The following ZDHHC7 variants were observed in gnomAD, a reference collection of about 807,000 sequenced individuals.
ZDHHC7 encodes palmitoyltransferase ZDHHC7.
A neutral mutation model predicts 34.1 loss-of-function variants in ZDHHC7; 12 were observed. That is an observed-to-expected ratio of 0.35 (90% CI 0.23 to 0.57). ZDHHC7 has a LOEUF of 0.57. Among genes scored for constraint, ZDHHC7 ranks in the 20% least tolerant of loss-of-function variants. The pLI is 0.84. For missense variants in ZDHHC7, 388 were observed against 402.7 expected, an observed-to-expected ratio of 0.96 and a Z score of 0.31; for synonymous variants, 185 against 155.4, an observed-to-expected ratio of 1.19 and a Z score of -1.42.
chr16:85,009,293 C>T (rs1054857825), intron 1 of ZDHHC7, among the ~76,000 whole-genome samples: 1 of 151,990 alleles, frequency 6.6e-6, no homozygotes, highest in Non-Finnish European at 1.5e-5. Flanking sequence ...TGTAAAAGTA[C>T]GTTCATACTT....
chr16:85,000,777 A>G (rs2072642469), intron 1 of ZDHHC7, among the ~76,000 whole-genome samples: 1 of 152,204 alleles, frequency 6.6e-6, no homozygotes, highest in Admixed American at 6.5e-5. Context: ...GCAAGGCCTC[A>G]AGGATGTGCA....
chr16:85,004,860 G>C (rs975656382), intron 1 of ZDHHC7: 2 of 146,564 alleles, frequency 1.4e-5, no homozygotes, highest in African/African-American at 4.9e-5. Context: ...GAGTAGAAGA[G>C]AAATGCACAA....
intron 1 of ZDHHC7, among the ~76,000 whole-genome samples, chr16:85,000,217 A>G (rs1411247769): frequency 6.6e-6 from 1 of 152,208 alleles, no homozygotes; most frequent in Non-Finnish European, 1.5e-5. Context: ...AGGAGAAAAA[A>G]TACCCAGCAC....
chr16:84,977,052 T>C (rs770296589), intron 7 of ZDHHC7, 43 bp downstream of exon 7: 1 of 1,611,198 alleles, frequency 6.2e-7, no homozygotes, highest in Admixed American at 1.7e-5. Context: ...TTACTCAAGC[T>C]TGGACCACAT....
chr16:84,995,443 T>C (rs943590335), intron 2 of ZDHHC7, among the ~76,000 whole-genome samples: 9 of 152,116 alleles, frequency 5.9e-5, no homozygotes, highest in African/African-American at 2.2e-4. Flanking sequence ...CTGGCCAACA[T>C]GGTGAAACCC....
intron 2 of ZDHHC7, among the ~76,000 whole-genome samples, chr16:84,994,100 C>T (rs2072544393): frequency 6.6e-6 from 1 of 152,208 alleles, no homozygotes; most frequent in South Asian, 2.1e-4. Context: ...AGGTACTTAC[C>T]ACTTGCTACC....
At chr16:84,998,485 T>G (rs1172157230) in intron 1 of ZDHHC7, among the ~76,000 whole-genome samples, 2 of 152,152 alleles carry the variant, frequency 1.3e-5, no homozygotes, top group Non-Finnish European at 2.9e-5. Flanking sequence ...AGCTACTGTC[T>G]GTTGTCTGAA....
intron 1 of ZDHHC7, among the ~76,000 whole-genome samples, chr16:84,997,972 G>C (rs998730897): frequency 6.8e-6 from 1 of 147,924 alleles, no homozygotes; most frequent in South Asian, 2.1e-4. Flanking sequence ...ACTGAGAAGA[G>C]AATGTAAAAT....
chr16:84,980,086 G>A (rs537590396), intron 4 of ZDHHC7, among the ~76,000 whole-genome samples: 3 of 149,740 alleles, frequency 2.0e-5, no homozygotes, highest in African/African-American at 7.4e-5. Flanking sequence ...TCAGCCTCCC[G>A]AGTAGCTGGG....
At chr16:85,010,045 C>CT (rs10630948) in intron 1 of ZDHHC7, among the ~76,000 whole-genome samples, 53,918 of 138,300 alleles carry the variant, frequency 0.39, 10,958 homozygotes, top group African/African-American at 0.48. Context: ...AACAAAGTGA[C>CT]TTTTTTTTTT....
At chr16:84,986,057 G>C (rs918754050) in intron 3 of ZDHHC7, among the ~76,000 whole-genome samples, 2 of 151,556 alleles carry the variant, frequency 1.3e-5, no homozygotes, top group African/African-American at 4.8e-5. Context: ...TACCGGTATT[G>C]AGGTTATGTT....
At chr16:84,989,752 G>A (rs2072483973) in intron 3 of ZDHHC7, among the ~76,000 whole-genome samples, 1 of 149,394 alleles carries the variant, frequency 6.7e-6, no homozygotes, top group African/African-American at 2.5e-5. Context: ...CTTCTTTAGA[G>A]AAAGCTTAGA....
chr16:85,024,401 T>C, the ZDHHC7 span, among the ~76,000 whole-genome samples: 1 of 151,776 alleles, frequency 6.6e-6, no homozygotes, highest in Non-Finnish European at 1.5e-5. Context: ...CCAGCTAATG[T>C]TTTGTATCTT....
chr16:84,976,308 G>C lies in ZDHHC7; in HGVS notation c.*35C>G, dbSNP rs377158450. 3.5e-5 allele frequency: 57 copies of C among 1,608,372 alleles called. No individual in the cohort carries two copies. Among genetic ancestry groups the C allele is most frequent in the Non-Finnish European group, 4.8e-5 (56 of 1,178,708 alleles). On this transcript the variant is annotated 3_prime_UTR_variant, in exon 8 of 8. Transcript: ENST00000313732. ...TCAGACCCCAAATAAATAACTGGAA[G>C]TCTGTGAGCAAGTTTCAGTCTGATG...
At chr16:85,017,783 T>C in the ZDHHC7 span, among the ~76,000 whole-genome samples, 5 of 151,938 alleles carry the variant, frequency 3.3e-5, no homozygotes, top group African/African-American at 1.2e-4. Context: ...AGTCAGAAAA[T>C]AGTGAAAGCA....
In ZDHHC7 at chr16:84,990,472, G is replaced by C. The variant is rs373069099; in HGVS notation, c.147C>G (p.Ile49Met). 2 of 1,614,074 alleles carry C rather than the reference G, an allele frequency of 1.2e-6. No homozygotes were observed. Among genetic ancestry groups the C allele is most frequent in the African/African-American group, 2.7e-5 (2 of 74,944 alleles). ...CCAGAAGCCACGTCATGACAGCACA[G>C]ATCATGCCGCAGCCGTCACGGATGA... is the stretch of plus-strand genomic sequence containing the variant. ...VWFIRDGCGMICAVMTWLLVA... is the reference protein window; with the variant it reads ...VWFIRDGCGMMCAVMTWLLVA... The change falls in exon 3 of 8, where the codon ATC (isoleucine) becomes ATG (methionine). Residue 49 changes from isoleucine to methionine, a missense_variant. Transcript: ENST00000313732.
chr16:84,976,286 G>A lies in ZDHHC7; in HGVS notation c.*57C>T. 6.2e-7 allele frequency: 1 copy of A among 1,603,082 alleles called. No homozygotes were observed. Among genetic ancestry groups the A allele is most frequent in the African/African-American group, 1.4e-5 (1 of 73,818 alleles). The stretch of plus-strand genomic sequence containing the variant: ...ACAGATGAGCTGTTGATATCCTTCA[G>A]ACCCCAAATAAATAACTGGAAGTCT... On this transcript the variant is annotated 3_prime_UTR_variant, in exon 8 of 8. Coordinates refer to ENST00000313732, the MANE Select transcript of ZDHHC7 (RefSeq NM_017740.3).
chr16:84,980,769 T>A (rs2072357768), intron 4 of ZDHHC7, among the ~76,000 whole-genome samples: 1 of 152,206 alleles, frequency 6.6e-6, no homozygotes, highest in African/African-American at 2.4e-5. Context: ...ACCATCACCA[T>A]CTAATTTTTG....
At position 84,978,451 on chromosome 16, in the gene ZDHHC7, T is replaced by C. The variant is rs113155815; in HGVS notation, c.538-446A>G. Among the ~76,000 whole-genome samples, 782 of 152,316 alleles carry C rather than the reference T, an allele frequency of 5.1e-3. 7 individuals are homozygous for C. Among genetic ancestry groups the C allele is most frequent in the African/African-American group, 0.018 (750 of 41,576 alleles). On this transcript the variant is annotated intron_variant, in intron 5 of 7. Coordinates refer to ENST00000313732, the MANE Select transcript of ZDHHC7 (RefSeq NM_017740.3). Reference sequence around the variant, plus strand: ...AGTAGAATAATTTTATAGAAAAATATAGCTGGGCATGGTGGCTCACGCCTG... The same window carrying C: ...AGTAGAATAATTTTATAGAAAAATACAGCTGGGCATGGTGGCTCACGCCTG...
Sources: allele counts gnomAD v4.1 joint callset (sites outside exome capture counted in the v4.1 genomes callset), GRCh38; gene constraint gnomAD v4.1.1; transcripts MANE v1.5; gene names NCBI Gene and HGNC (gene_info 2026-07-23, HGNC 2026-07-21).